EXOC4: variants seen among roughly 807,000 people sequenced by gnomAD.
EXOC4 encodes exocyst complex component 4.
In EXOC4, 71 loss-of-function variants were observed where a neutral mutation model predicts 107.2. That is an observed-to-expected ratio of 0.66 (90% CI 0.55 to 0.81). The LOEUF (loss-of-function observed/expected upper bound fraction) is 0.81, where lower values mean the gene tolerates loss of function less well. Ranked by LOEUF, EXOC4 falls within the 30% of genes least tolerant of loss-of-function variation. The pLI, the probability that EXOC4 is intolerant of heterozygous loss-of-function variation, is 0.00. For missense variants in EXOC4, 1,108 were observed against 1,189.6 expected (o/e 0.93, Z 1.01); for synonymous variants, 456 against 441.2 (o/e 1.03, Z -0.42).
In EXOC4 at chr7:133,509,166, C is replaced by T. The variant is rs369015579; in HGVS notation, c.1417+29028C>T. On this transcript the variant is annotated intron_variant, in intron 9 of 17. Coordinates refer to ENST00000253861, the MANE Select transcript of EXOC4 (RefSeq NM_021807.4). The stretch of plus-strand genomic sequence containing the variant: ...CAGAGGGGCCGGGCACTGTGGCTCA[C>T]GCCTGTAATCCCAGCACTTTGGGAG... Among the ~76,000 whole-genome samples, 27 of 152,218 alleles carry T rather than the reference C, an allele frequency of 1.8e-4. No homozygotes were observed. The East Asian group carries it at 3.7e-3, about 21-fold the overall frequency.
At chr7:134,021,722 GAAAAA>G (rs60762484) in intron 17 of EXOC4, among the ~76,000 whole-genome samples, 7 of 53,746 alleles carry the variant, frequency 1.3e-4, no homozygotes, top group Non-Finnish European at 2.1e-4. Flanking sequence ...AGTCAAACCA[GAAAAA>G]AAAAAAAAAA....
At chr7:133,443,480 T>C (rs986745809) in intron 7 of EXOC4, among the ~76,000 whole-genome samples, 6 of 152,166 alleles carry the variant, frequency 3.9e-5, no homozygotes, top group East Asian at 1.9e-4. Context: ...CCTGAGTCTA[T>C]TGTCACTTCA....
At chr7:134,036,724 A>G (rs1020739032) in intron 17 of EXOC4, among the ~76,000 whole-genome samples, 6 of 152,228 alleles carry the variant, frequency 3.9e-5, no homozygotes, top group South Asian at 2.1e-4. Flanking sequence ...ACATATGTAG[A>G]TATTCTGTAG....
At chr7:133,590,580 G>A (rs1341348907) in intron 9 of EXOC4, among the ~76,000 whole-genome samples, 1 of 152,170 alleles carries the variant, frequency 6.6e-6, no homozygotes, top group African/African-American at 2.4e-5. Context: ...TGGCAGAGAA[G>A]GAGAGAAGAG....
intron 9 of EXOC4, among the ~76,000 whole-genome samples, chr7:133,611,431 A>G (rs1196867507): frequency 2.0e-5 from 3 of 152,206 alleles, no homozygotes; most frequent in Non-Finnish European, 2.9e-5. Flanking sequence ...TTTTAAAGAC[A>G]TGATCTTCTG....
rs1312518370 is a variant in EXOC4 at position 133,305,942 on chromosome 7, A to G, written c.537A>G (p.Leu179=). The change falls in exon 4 of 18, where the codon CTA becomes CTG. Residue 179 remains leucine, a synonymous_variant. Transcript: ENST00000253861. The part of the protein sequence containing the change: ...LQVEGLSDLR[L]ELHSKKMNLH... Reference sequence around the variant, plus strand: ...TGGAAGGACTGAGTGACCTTCGACTAGAGCTTCACAGCAAGAAGATGAACC... The same window carrying G: ...TGGAAGGACTGAGTGACCTTCGACTGGAGCTTCACAGCAAGAAGATGAACC... 6.2e-7 allele frequency: 1 copy of G among 1,613,832 alleles called. No individual in the cohort carries two copies. The highest frequency in any genetic ancestry group is 1.3e-5 in the African/African-American group (1 of 75,030).
At chr7:133,559,403 T>G (rs1800766010) in intron 9 of EXOC4, among the ~76,000 whole-genome samples, 1 of 152,212 alleles carries the variant, frequency 6.6e-6, no homozygotes, top group South Asian at 2.1e-4. Flanking sequence ...ATCTAGGCCT[T>G]TAATCTATAT....
the EXOC4 span, among the ~76,000 whole-genome samples, chr7:134,072,210 G>A: frequency 2.0e-5 from 3 of 152,296 alleles, no homozygotes; most frequent in South Asian, 6.2e-4. Context: ...GCCTTCATAG[G>A]GGAGGCAACT....
intron 11 of EXOC4, among the ~76,000 whole-genome samples, chr7:133,819,079 G>A (rs1378246489): frequency 6.6e-6 from 1 of 152,012 alleles, no homozygotes; most frequent in Non-Finnish European, 1.5e-5. Context: ...ATCCTGCCAG[G>A]TGACACATCC....
In EXOC4 at chr7:134,052,536, A is replaced by T. The variant is rs140837893; in HGVS notation, c.2688-11755A>T. Reference sequence around the variant, plus strand: ...ATGTGATACCTCATACAATTGTGAGACCCATAGAGATAATATATACATGAA... The same window carrying T: ...ATGTGATACCTCATACAATTGTGAGTCCCATAGAGATAATATATACATGAA... On this transcript the variant is annotated intron_variant, in intron 17 of 17. Transcript: ENST00000253861. Among the ~76,000 whole-genome samples the T allele has an allele frequency of 6.6e-3, 998 of 152,064 alleles. 12 individuals carry two copies. Among genetic ancestry groups the T allele is most frequent in the African/African-American group, 0.022 (931 of 41,472 alleles).
chr7:133,911,711 G>A lies in EXOC4; in HGVS notation c.1872-5872G>A, dbSNP rs544984105. Reference sequence around the variant, plus strand: ...AAAATTCTAGCCCTTCAAAATGTACGGTACCATCTCACACCTACAGATCCA... The same window carrying A: ...AAAATTCTAGCCCTTCAAAATGTACAGTACCATCTCACACCTACAGATCCA... On this transcript the variant is annotated intron_variant, in intron 12 of 17. Coordinates refer to ENST00000253861, the MANE Select transcript of EXOC4 (RefSeq NM_021807.4). Among the ~76,000 whole-genome samples, 130 of 152,154 alleles carry A rather than the reference G, an allele frequency of 8.5e-4. 1 individual carries two copies. The highest frequency in any genetic ancestry group is 6.8e-3 in the Middle Eastern group (2 of 294).
intron 11 of EXOC4, among the ~76,000 whole-genome samples, chr7:133,827,934 G>T (rs1797737284): frequency 6.6e-6 from 1 of 152,134 alleles, no homozygotes; most frequent in Non-Finnish European, 1.5e-5. Context: ...GATAACCCCT[G>T]GGTTTTAAAG....
chr7:133,280,799 T>TA (rs1274642217), intron 2 of EXOC4, among the ~76,000 whole-genome samples: 1 of 152,118 alleles, frequency 6.6e-6, no homozygotes, highest in Non-Finnish European at 1.5e-5. Flanking sequence ...AACCTTAATA[T>TA]AAAAAAATGT....
rs1300024891 is a variant in EXOC4, at chr7:133,495,036, C to T, written c.1417+14898C>T. On this transcript the variant is annotated intron_variant, in intron 9 of 17. Coordinates refer to ENST00000253861, the MANE Select transcript of EXOC4 (RefSeq NM_021807.4). ...CCTGTAATCCCAGCACAGTGGGAGG[C>T]CGAGCTGGGCAGATCACGTGAGATC... Among the ~76,000 whole-genome samples the T allele has an allele frequency of 2.0e-5, 3 of 152,062 alleles. No homozygotes were observed. The East Asian group carries it at 5.8e-4, about 29-fold the overall frequency.
At chr7:133,785,053 C>T (rs1796540843) in intron 10 of EXOC4, among the ~76,000 whole-genome samples, 1 of 152,180 alleles carries the variant, frequency 6.6e-6, no homozygotes, top group Non-Finnish European at 1.5e-5. Context: ...ATAGGGCTAA[C>T]TTCTCTAAGT....
chr7:133,400,549 T>C (rs1211774937), intron 7 of EXOC4, among the ~76,000 whole-genome samples: 2 of 152,206 alleles, frequency 1.3e-5, no homozygotes, highest in Admixed American at 1.3e-4. Flanking sequence ...TTCTTTTTGC[T>C]TTTCTTTTTT....
intron 5 of EXOC4, among the ~76,000 whole-genome samples, chr7:133,340,955 C>A (rs781763170): frequency 6.6e-6 from 1 of 151,958 alleles, no homozygotes; most frequent in Non-Finnish European, 1.5e-5. Flanking sequence ...TTTTTTCTAT[C>A]TTTTCAAAGA....
At chr7:133,830,021 T>G (rs907111424) in intron 11 of EXOC4, among the ~76,000 whole-genome samples, 14 of 152,190 alleles carry the variant, frequency 9.2e-5, no homozygotes, top group African/African-American at 3.1e-4. Flanking sequence ...ATTCCCCTGA[T>G]GGATGGTCAT....
At chr7:133,957,043 G>T (rs1585277489) in intron 14 of EXOC4, among the ~76,000 whole-genome samples, 1 of 151,976 alleles carries the variant, frequency 6.6e-6, no homozygotes, top group East Asian at 1.9e-4. Context: ...CTGAAATGAT[G>T]CATCTTTTCA....
Sources: allele counts gnomAD v4.1 joint callset (sites outside exome capture counted in the v4.1 genomes callset), GRCh38; gene constraint gnomAD v4.1.1; transcripts MANE v1.5; gene names NCBI Gene and HGNC (gene_info 2026-07-23, HGNC 2026-07-21).